Variants in GRHL2 observed in about 807,000 individuals in gnomAD.
The protein encoded by GRHL2 is grainyhead like transcription factor 2.
Under a neutral mutation model 83.8 loss-of-function variants are expected in GRHL2, and 21 were observed. The ratio of observed to expected loss-of-function variants is 0.25; its 90% CI spans 0.18 to 0.36. GRHL2 has a LOEUF of 0.36. GRHL2 is among the 10% of genes least tolerant of loss of function. GRHL2 has a pLI of 1.00. For synonymous variants in GRHL2, 280 were observed against 278.9 expected, an observed-to-expected ratio of 1.00 and a Z score of -0.04; for missense variants, 623 against 781.8, an observed-to-expected ratio of 0.80 and a Z score of 2.42.
intron 1 of GRHL2, among the ~76,000 whole-genome samples, chr8:101,510,379 G>A (rs1411832024): frequency 1.3e-5 from 2 of 152,130 alleles, no homozygotes; most frequent in Non-Finnish European, 2.9e-5. Flanking sequence ...TTTAATGTCA[G>A]CAGAGCATTA....
intron 4 of GRHL2, among the ~76,000 whole-genome samples, chr8:101,570,045 G>A (rs1218928992): frequency 6.6e-6 from 1 of 152,194 alleles, no homozygotes; most frequent in Non-Finnish European, 1.5e-5. Flanking sequence ...GCAAATGGAA[G>A]AGATGTATTA....
chr8:101,612,552 C>CATACATAG (rs1447578623), intron 8 of GRHL2, among the ~76,000 whole-genome samples: 2 of 146,140 alleles, frequency 1.4e-5, no homozygotes, highest in Non-Finnish European at 1.5e-5. Context: ...TACATACATA[C>CATACATAG]ATAGATATTG....
chr8:101,560,176 TTGTGTGTGTGTG>T (rs35280910), intron 4 of GRHL2, among the ~76,000 whole-genome samples: 4 of 148,962 alleles, frequency 2.7e-5, no homozygotes, highest in Admixed American at 2.0e-4. Flanking sequence ...TGGCTAAATT[TTGTGTGTGTGTG>T]TGTGTGTGTG....
chr8:101,595,443 T>G (rs1261116055), intron 7 of GRHL2, among the ~76,000 whole-genome samples: 1 of 152,230 alleles, frequency 6.6e-6, no homozygotes, highest in East Asian at 1.9e-4. Context: ...TTTGCTTTCT[T>G]TTTTACAATT....
At chr8:101,612,512 G>GACAGATAC (rs1554592367) in intron 8 of GRHL2, among the ~76,000 whole-genome samples, 18 of 121,544 alleles carry the variant, frequency 1.5e-4, no homozygotes, top group Non-Finnish European at 2.3e-4. Context: ...TAGATAGATA[G>GACAGATAC]ATAGATAGAT....
intron 14 of GRHL2, among the ~76,000 whole-genome samples, chr8:101,657,397 A>G (rs762672488): frequency 6.6e-6 from 1 of 152,210 alleles, no homozygotes; most frequent in South Asian, 2.1e-4. Context: ...ATCATCAGAC[A>G]ACCAATAACA....
In GRHL2 at chr8:101,529,014, A is replaced by G. The variant is rs148754318; in HGVS notation, c.21-14227A>G. On this transcript the variant is annotated intron_variant, in intron 1 of 15. Coordinates refer to ENST00000646743, the MANE Select transcript of GRHL2 (RefSeq NM_024915.4). ...GCATTCTCTCTCCCTGTGGTATTTC[A>G]GATGTAATTTTTACCACTTTCTTCT... The G allele has an allele frequency of 4.7e-3, 1,781 of 380,574 alleles. 6 individuals are homozygous for G. Among genetic ancestry groups the G allele is most frequent in the Middle Eastern group, 8.4e-3 (19 of 2,272 alleles). The allele number at this position is 380,574 out of a possible 1,614,324, so 23.6% of individuals were successfully genotyped here. A position where few individuals can be genotyped will look rare whatever the true frequency, so the allele number is the denominator to read the frequency against.
chr8:101,542,415 C>A (rs2130119128), intron 1 of GRHL2, among the ~76,000 whole-genome samples: 1 of 152,082 alleles, frequency 6.6e-6, no homozygotes, highest in East Asian at 1.9e-4. Context: ...ATTAGCCAAG[C>A]AAGGTGGCAG....
chr8:101,509,547 G>C (rs1810422496), intron 1 of GRHL2, among the ~76,000 whole-genome samples: 1 of 152,128 alleles, frequency 6.6e-6, no homozygotes, highest in African/African-American at 2.4e-5. Flanking sequence ...GATGGCATTA[G>C]AGCCAGCTGC....
chr8:101,639,842 C>T (rs1054118533), intron 12 of GRHL2, among the ~76,000 whole-genome samples: 7 of 152,238 alleles, frequency 4.6e-5, no homozygotes, highest in African/African-American at 1.2e-4. Flanking sequence ...TCATTGGCCA[C>T]GTTCTTTCCT....
intron 12 of GRHL2, 81 bp downstream of exon 12, chr8:101,637,009 C>T (rs1163996828): frequency 7.8e-7 from 1 of 1,279,644 alleles, no homozygotes; most frequent in East Asian, 2.3e-5. Context: ...CTTGGTAACC[C>T]TAGGCAGGAA....
intron 2 of GRHL2, chr8:101,543,699 A>G (rs1811202330): frequency 2.1e-6 from 1 of 480,890 alleles, no homozygotes; most frequent in Non-Finnish European, 3.8e-6. Context: ...TTATTTGCAT[A>G]TTATTCTTAC....
chr8:101,592,590 C>A (rs1157612352), intron 7 of GRHL2, among the ~76,000 whole-genome samples: 9 of 152,230 alleles, frequency 5.9e-5, no homozygotes, highest in Non-Finnish European at 1.3e-4. Context: ...TGGCCACATT[C>A]TAGACCTATG....
At chr8:101,646,903 T>C (rs1052033973) in intron 13 of GRHL2, among the ~76,000 whole-genome samples, 8 of 152,344 alleles carry the variant, frequency 5.3e-5, no homozygotes, top group African/African-American at 1.9e-4. Flanking sequence ...TGTGAGTTGC[T>C]GTCAACAGGC....
chr8:101,663,005 T>C (rs1416381772), intron 14 of GRHL2, among the ~76,000 whole-genome samples: 2 of 152,186 alleles, frequency 1.3e-5, no homozygotes, highest in Admixed American at 6.5e-5. Context: ...TTTTGATGAC[T>C]GCATGATTTT....
intron 1 of GRHL2, chr8:101,529,069 A>C: frequency 2.6e-6 from 1 of 379,160 alleles, no homozygotes; most frequent in Admixed American, 3.4e-5. Context: ...TTTTTCAGGG[A>C]GTTCTTCCTC....
At chr8:101,656,985 G>C (rs1228345336) in intron 14 of GRHL2, among the ~76,000 whole-genome samples, 1 of 151,966 alleles carries the variant, frequency 6.6e-6, no homozygotes, top group African/African-American at 2.4e-5. Context: ...AAAGGGATAG[G>C]GATGTTCTCT....
intron 4 of GRHL2, chr8:101,562,306 C>T (rs1563581612): frequency 6.4e-6 from 4 of 623,022 alleles, no homozygotes; most frequent in Non-Finnish European, 1.1e-5. Flanking sequence ...GCCGTAAGCC[C>T]TTTACCAGCT....
At chr8:101,574,208 T>C (rs1811886674) in intron 6 of GRHL2, among the ~76,000 whole-genome samples, 1 of 152,180 alleles carries the variant, frequency 6.6e-6, no homozygotes, top group Non-Finnish European at 1.5e-5. Flanking sequence ...TAAAGGAAAA[T>C]GCAGTTCACT....
Sources: gnomAD v4.1 joint callset for allele counts (sites outside exome capture counted in the v4.1 genomes callset) on GRCh38, gnomAD v4.1.1 for gene constraint, MANE v1.5 for transcripts, NCBI Gene and HGNC (gene_info 2026-07-23, HGNC 2026-07-21) for gene names.